The following TPRG1 variants were observed in gnomAD, a reference collection of about 807,000 sequenced individuals.
TPRG1 encodes tumor protein p63 regulated 1.
Under a neutral mutation model 29.3 loss-of-function variants are expected in TPRG1, and 29 were observed. The observed-to-expected ratio is 0.99, with a 90% confidence interval of 0.74 to 1.35. TPRG1 has a LOEUF of 1.35. TPRG1 is among the 40% of genes most tolerant of loss of function. The probability of loss-of-function intolerance (pLI) is 0.00; values close to 1 mark genes in which losing one functional copy is unlikely to be tolerated. For missense variants in TPRG1, 327 were observed against 335.0 expected, an observed-to-expected ratio of 0.98 and a Z score of 0.19; for synonymous variants, 130 against 116.8, an observed-to-expected ratio of 1.11 and a Z score of -0.73.
intron 3 of TPRG1, among the ~76,000 whole-genome samples, chr3:189,022,664 A>C (rs943261748): frequency 1.3e-5 from 2 of 152,200 alleles, no homozygotes; most frequent in African/African-American, 4.8e-5. Flanking sequence ...TTAAGTCTGC[A>C]GAGGTTACTG....
At position 189,238,843 on chromosome 3, in the gene TPRG1, T is replaced by G. The variant is rs753861975; in HGVS notation, c.413T>G (p.Ile138Ser). 1 of 1,613,676 alleles carries G rather than the reference T, an allele frequency of 6.2e-7. No homozygotes were observed. Reference protein sequence around the residue: ...IMLSCVQLQRIPLSAVYRICL... With the variant: ...IMLSCVQLQRSPLSAVYRICL... ...CTGAGTTGTGTGCAGCTGCAGCGGA[T>G]TCCTCTGAGCGCTGTCTATCGCATC... The change falls in exon 4 of 6, where the codon ATT (isoleucine) becomes AGT (serine). Residue 138 changes from isoleucine (I) to serine (S), a missense_variant. Transcript: ENST00000345063.
chr3:189,313,782 G>A (rs1448558001), intron 5 of TPRG1, among the ~76,000 whole-genome samples: 1 of 152,050 alleles, frequency 6.6e-6, no homozygotes, highest in Non-Finnish European at 1.5e-5. Flanking sequence ...TAACAGGGGA[G>A]GCAGATAAAA....
chr3:189,107,222 G>A (rs1719931920), intron 1 of TPRG1, among the ~76,000 whole-genome samples: 2 of 152,062 alleles, frequency 1.3e-5, no homozygotes, highest in African/African-American at 4.8e-5. Context: ...GGAATGTGAA[G>A]GGGAGATCTC....
intron 4 of TPRG1, among the ~76,000 whole-genome samples, chr3:189,298,943 C>T (rs1720385243): frequency 6.6e-6 from 1 of 152,142 alleles, no homozygotes; most frequent in Non-Finnish European, 1.5e-5. Context: ...AGGGCCATGA[C>T]AGCAGGGCTA....
chr3:189,011,531 C>A (rs948728881), intron 3 of TPRG1, among the ~76,000 whole-genome samples: 7 of 152,126 alleles, frequency 4.6e-5, no homozygotes, highest in African/African-American at 1.2e-4. Flanking sequence ...AGAAGCAAAT[C>A]AAATCTTACT....
intron 4 of TPRG1, among the ~76,000 whole-genome samples, chr3:189,300,757 C>T (rs1420200013): frequency 6.6e-6 from 1 of 152,162 alleles, no homozygotes; most frequent in Non-Finnish European, 1.5e-5. Flanking sequence ...GAGTAGGCAA[C>T]TTCTGCCAGC....
At chr3:189,037,182 A>G (rs996646617) in intron 4 of TPRG1, among the ~76,000 whole-genome samples, 1 of 151,882 alleles carries the variant, frequency 6.6e-6, no homozygotes, top group African/African-American at 2.4e-5. Context: ...TGATAAAAAT[A>G]TTGTCTATAA....
At chr3:189,124,556 G>GTGTGTA (rs1459383452) in intron 1 of TPRG1, among the ~76,000 whole-genome samples, 45 of 150,572 alleles carry the variant, frequency 3.0e-4, no homozygotes, top group Middle Eastern at 3.4e-3. Flanking sequence ...GTGTGTGTGT[G>GTGTGTA]TATATATATA....
chr3:189,117,729 C>A (rs1721349000), intron 1 of TPRG1, among the ~76,000 whole-genome samples: 1 of 152,220 alleles, frequency 6.6e-6, no homozygotes, highest in Non-Finnish European at 1.5e-5. Flanking sequence ...TCGTTGTACT[C>A]ATTCCATCCT....
In TPRG1 at chr3:189,207,408, A is replaced by G; in HGVS notation, c.24A>G (p.Glu8=). MSTIGSF[E]GFQAVSLKQE... ...AAATGTCAACAATTGGGAGTTTTGA[A>G]GGATTCCAGGCTGTGTCTCTGAAGC... Residue 8 remains glutamate, a synonymous_variant, in exon 2 of 6, where the codon GAA becomes GAG. Coordinates refer to ENST00000345063, the MANE Select transcript of TPRG1 (RefSeq NM_198485.4). 6.2e-7 allele frequency: 1 copy of G among 1,614,026 alleles called. No homozygotes were observed. The highest frequency in any genetic ancestry group is 1.1e-5 in the South Asian group (1 of 91,074).
At chr3:189,246,378 TG>T (rs1295627933) in intron 4 of TPRG1, among the ~76,000 whole-genome samples, 6 of 152,176 alleles carry the variant, frequency 3.9e-5, no homozygotes, top group Admixed American at 1.3e-4. Flanking sequence ...ACACATAGCA[TG>T]TTTTTTTTAT....
intron 1 of TPRG1, among the ~76,000 whole-genome samples, chr3:189,124,515 A>C (rs1220953008): frequency 6.6e-6 from 1 of 150,640 alleles, no homozygotes; most frequent in Non-Finnish European, 1.5e-5. Context: ...ACATATTATG[A>C]CATTTTTTTT....
intron 2 of TPRG1, among the ~76,000 whole-genome samples, chr3:189,213,716 A>G (rs1264794568): frequency 2.6e-5 from 4 of 152,330 alleles, no homozygotes; most frequent in Middle Eastern, 3.4e-3. Context: ...TTAGGCATAT[A>G]GAAGCAAACA....
intron 3 of TPRG1, among the ~76,000 whole-genome samples, chr3:189,138,750 C>T (rs989472619): frequency 2.0e-5 from 3 of 152,134 alleles, no homozygotes; most frequent in Non-Finnish European, 2.9e-5. Flanking sequence ...TTAAGCAGAT[C>T]GGTGTCTATC....
chr3:189,049,515 C>T (rs540810356), intron 4 of TPRG1, among the ~76,000 whole-genome samples: 76 of 152,292 alleles, frequency 5.0e-4, no homozygotes, highest in African/African-American at 1.6e-3. Flanking sequence ...AGAGTCTGAC[C>T]TCAGACACAC....
chr3:189,004,708 G>A (rs948914964), exon 3 of TPRG1: 1 of 152,016 alleles, frequency 6.6e-6, no homozygotes, highest in Non-Finnish European at 1.5e-5. Context: ...TCCTTTTCTA[G>A]CAATTACTTC....
chr3:189,276,372 G>A (rs1716142932), intron 4 of TPRG1, among the ~76,000 whole-genome samples: 1 of 152,146 alleles, frequency 6.6e-6, no homozygotes, highest in Admixed American at 6.5e-5. Context: ...TCTGAAGGGG[G>A]AAGAAGGATG....
intron 1 of TPRG1, among the ~76,000 whole-genome samples, chr3:189,126,392 T>A (rs1216521554): frequency 6.6e-6 from 1 of 152,218 alleles, no homozygotes; most frequent in East Asian, 1.9e-4. Flanking sequence ...ATAAATAGGC[T>A]TAACTCCTAG....
chr3:189,099,234 A>C (rs1718907315), upstream of TPRG1, among the ~76,000 whole-genome samples: 1 of 152,142 alleles, frequency 6.6e-6, no homozygotes, highest in Non-Finnish European at 1.5e-5. Flanking sequence ...GAACGCAGGA[A>C]GTTTTGGGTC....
Sources: allele counts gnomAD v4.1 joint callset (sites outside exome capture counted in the v4.1 genomes callset), GRCh38; gene constraint gnomAD v4.1.1; transcripts MANE v1.5; gene names NCBI Gene and HGNC (gene_info 2026-07-23, HGNC 2026-07-21).